The following IQGAP2 variants were observed in gnomAD, a reference collection of about 807,000 sequenced individuals.
IQGAP2 encodes the protein ras GTPase-activating-like protein IQGAP2.
IQGAP2 carries 173 observed loss-of-function variants against 201.3 expected under a neutral mutation model. The ratio of observed to expected loss-of-function variants is 0.86; its 90% CI spans 0.76 to 0.98. The LOEUF is 0.98. Among genes scored for constraint, IQGAP2 ranks in the 50% least tolerant of loss-of-function variants. The pLI, the probability that IQGAP2 is intolerant of heterozygous loss-of-function variation, is 0.00. For missense variants in IQGAP2, 1,687 were observed against 1,864.8 expected (o/e 0.90, Z 1.76); for synonymous variants, 675 against 673.9 (o/e 1.00, Z -0.03).
intron 2 of IQGAP2, among the ~76,000 whole-genome samples, chr5:76,543,797 G>T (rs1308181962): frequency 6.6e-6 from 1 of 152,106 alleles, no homozygotes; most frequent in African/African-American, 2.4e-5. Context: ...ATTTCTCAAG[G>T]TAGATGGGAC....
At chr5:76,682,817 C>A (rs1037291082) in intron 28 of IQGAP2, among the ~76,000 whole-genome samples, 1 of 152,172 alleles carries the variant, frequency 6.6e-6, no homozygotes, top group African/African-American at 2.4e-5. Flanking sequence ...CCAACTTTGA[C>A]TTTTTCTATG....
At chr5:76,695,943 C>G (rs1420876608) in intron 32 of IQGAP2, among the ~76,000 whole-genome samples, 1 of 144,402 alleles carries the variant, frequency 6.9e-6, no homozygotes, top group African/African-American at 2.6e-5. Context: ...CAGGTTCAAG[C>G]GATTCTCCTG....
intron 1 of IQGAP2, among the ~76,000 whole-genome samples, chr5:76,410,719 C>A (rs1045218545): frequency 6.6e-6 from 1 of 152,146 alleles, no homozygotes; most frequent in Non-Finnish European, 1.5e-5. Context: ...CATTTTTCTT[C>A]ATTCTCTCCA....
intron 14 of IQGAP2, among the ~76,000 whole-genome samples, chr5:76,628,417 G>A (rs1377235557): frequency 2.6e-5 from 4 of 152,060 alleles, no homozygotes; most frequent in South Asian, 2.1e-4. Flanking sequence ...GTGCATAATC[G>A]GAATAGGCAT....
chr5:76,562,863 C>T (rs1744481463), intron 3 of IQGAP2, among the ~76,000 whole-genome samples: 1 of 152,086 alleles, frequency 6.6e-6, no homozygotes, highest in Non-Finnish European at 1.5e-5. Flanking sequence ...GCTACCACTC[C>T]TTTTTTCACT....
intron 7 of IQGAP2, 97 bp downstream of exon 7, chr5:76,589,825 A>C: frequency 1.7e-6 from 1 of 572,818 alleles, no homozygotes; most frequent in Non-Finnish European, 2.9e-6. Context: ...TTTAGAAGAT[A>C]CTTTAAGCAC....
At chr5:76,604,803 T>A (rs921181307) in intron 11 of IQGAP2, among the ~76,000 whole-genome samples, 6 of 152,330 alleles carry the variant, frequency 3.9e-5, no homozygotes, top group Non-Finnish European at 8.8e-5. Flanking sequence ...CGAGGCCTCA[T>A]TCAGCTACAG....
rs747881615 is a variant in IQGAP2, at chr5:76,403,565, C to T, written c.20C>T (p.Pro7Leu). The T allele has an allele frequency of 6.5e-7, 1 of 1,538,742 alleles. No homozygotes were observed. The highest frequency in any genetic ancestry group is 8.7e-7 in the Non-Finnish European group (1 of 1,148,534). Residue 7 changes from proline to leucine, a missense_variant, in exon 1 of 36, where the codon CCG (proline) becomes CTG (leucine). Coordinates refer to ENST00000274364, the MANE Select transcript of IQGAP2 (RefSeq NM_006633.5). The surrounding 1 kb of genome is among the most constrained non-coding windows in gnomAD (Gnocchi z 4.8). MPHEEL[P>L]SLQRPRYGSI... Reference sequence around the variant, plus strand: ...CGCAGGATGCCACACGAAGAGCTGCCGTCGCTGCAGAGACCCCGCTATGGC... The same window carrying T: ...CGCAGGATGCCACACGAAGAGCTGCTGTCGCTGCAGAGACCCCGCTATGGC...
At chr5:76,640,514 G>A (rs1338030865) in intron 16 of IQGAP2, among the ~76,000 whole-genome samples, 1 of 152,202 alleles carries the variant, frequency 6.6e-6, no homozygotes, top group African/African-American at 2.4e-5. Context: ...GCCTGGGGAA[G>A]AAATGGGAAA....
Position 76,403,422 on chromosome 5 carries a change from C to T in IQGAP2, c.-124C>T, listed in dbSNP as rs1750616309. The T allele has an allele frequency of 3.1e-6, 2 of 650,262 alleles. No individual in the cohort carries two copies. Among genetic ancestry groups the T allele is most frequent in the South Asian group, 4.0e-5 (1 of 24,896 alleles). 40.3% of individuals were successfully genotyped at this position (650,262 alleles called of 1,614,324 possible). A position where few individuals can be genotyped will look rare whatever the true frequency, so the allele number is the denominator to read the frequency against. On this transcript the variant is annotated 5_prime_UTR_variant, in exon 1 of 36. Coordinates refer to ENST00000274364, the MANE Select transcript of IQGAP2 (RefSeq NM_006633.5). This position sits in a 1 kb window ranked among gnomAD's most constrained non-coding sequence, Gnocchi z 4.8. ...AGGGAGTGGGTCGCAGATCTTCGGGCGGCTAGGGGAAATCGGCGAGAGGCG... is the reference window on the plus strand; with the variant it reads ...AGGGAGTGGGTCGCAGATCTTCGGGTGGCTAGGGGAAATCGGCGAGAGGCG...
chr5:76,491,545 C>T (rs1580309203), intron 2 of IQGAP2, among the ~76,000 whole-genome samples: 1 of 151,976 alleles, frequency 6.6e-6, no homozygotes, highest in East Asian at 1.9e-4. Context: ...CTCAAGTGAT[C>T]CTCCCACCTC....
intron 9 of IQGAP2, among the ~76,000 whole-genome samples, chr5:76,596,648 G>A (rs911092413): frequency 2.6e-5 from 4 of 152,144 alleles, no homozygotes; most frequent in African/African-American, 9.7e-5. Flanking sequence ...AGAAGGTGAT[G>A]GGGAAGCCAG....
intron 21 of IQGAP2, among the ~76,000 whole-genome samples, chr5:76,659,674 A>G (rs1292297547): frequency 1.3e-5 from 2 of 152,212 alleles, no homozygotes; most frequent in Admixed American, 6.5e-5. Flanking sequence ...AAGTTCTGTC[A>G]TGCAAGGTGA....
intron 2 of IQGAP2, among the ~76,000 whole-genome samples, chr5:76,552,678 T>C (rs1743640922): frequency 6.6e-6 from 1 of 152,208 alleles, no homozygotes; most frequent in South Asian, 2.1e-4. Context: ...ATGTTCCTCA[T>C]TTCTGTCTAA....
chr5:76,677,486 A>G (rs1371685207), intron 28 of IQGAP2, 136 bp downstream of exon 28: 1 of 681,994 alleles, frequency 1.5e-6, no homozygotes, highest in Non-Finnish European at 2.2e-6. Flanking sequence ...AAATCTCGCA[A>G]TTATTTATTC....
intron 2 of IQGAP2, among the ~76,000 whole-genome samples, chr5:76,501,876 C>A (rs937705042): frequency 2.0e-5 from 3 of 151,998 alleles, no homozygotes; most frequent in African/African-American, 7.2e-5. Context: ...CTCCTGACCT[C>A]AGGTGATCCA....
chr5:76,469,280 A>C (rs1303343574), intron 2 of IQGAP2, among the ~76,000 whole-genome samples: 3 of 152,202 alleles, frequency 2.0e-5, no homozygotes, highest in Non-Finnish European at 4.4e-5. Context: ...TTGCTCAATG[A>C]ATGAATGAAG....
At position 76,665,095 on chromosome 5, in the gene IQGAP2, G is replaced by A. The variant is rs773528209; in HGVS notation, c.2599G>A (p.Asp867Asn). The A allele has an allele frequency of 3.7e-6, 6 of 1,606,044 alleles. No homozygotes were observed. Among genetic ancestry groups the A allele is most frequent in the East Asian group, 2.2e-5 (1 of 44,782 alleles). Residue 867 changes from aspartate to asparagine, a missense_variant, in exon 22 of 36, where the codon GAC (aspartate) becomes AAC (asparagine). Asp to Asn is a conservative substitution (Grantham distance 23). Coordinates refer to ENST00000274364, the MANE Select transcript of IQGAP2 (RefSeq NM_006633.5). ...GGEMEILNNT[D>N]NQGIKSLSKE... is the part of the protein sequence containing the mutation. ...AGAAATGGAAATACTGAATAACACC[G>A]ACAACCAAGGAATAAAAAGTTTGAG...
At chr5:76,614,459 A>G (rs1748717396) in intron 13 of IQGAP2, among the ~76,000 whole-genome samples, 1 of 152,124 alleles carries the variant, frequency 6.6e-6, no homozygotes, top group African/African-American at 2.4e-5. Context: ...GATGAATCAT[A>G]TTTGGTTAAA....
Sources: allele counts gnomAD v4.1 joint callset (sites outside exome capture counted in the v4.1 genomes callset), GRCh38; gene constraint gnomAD v4.1.1; non-coding constraint Gnocchi (gnomAD v3.1); transcripts MANE v1.5; gene names NCBI Gene and HGNC (gene_info 2026-07-23, HGNC 2026-07-21).